NIPBL: variants seen among roughly 807,000 people sequenced by gnomAD.
NIPBL encodes the protein NIPBL cohesin loading factor.
Under a neutral mutation model 321.8 loss-of-function variants are expected in NIPBL, and 19 were observed. The observed-to-expected ratio is 0.06, with a 90% CI of 0.04 to 0.09. The LOEUF (loss-of-function observed/expected upper bound fraction) is 0.09. Among genes scored for constraint, NIPBL ranks in the 10% least tolerant of loss-of-function variants. NIPBL has a pLI of 1.00. For synonymous variants in NIPBL, 1,106 were observed against 1,114.1 expected, an observed-to-expected ratio of 0.99 and a Z score of 0.14; for missense variants, 2,210 against 3,327.0, an observed-to-expected ratio of 0.66 and a Z score of 8.26.
intron 21 of NIPBL, 78 bp from the exon 22 acceptor site, chr5:37,014,605 C>G (rs1748710586): frequency 5.9e-6 from 5 of 845,188 alleles, no homozygotes; most frequent in Non-Finnish European, 2.0e-6. Flanking sequence ...TACCCCTCTT[C>G]AGTAATAACA....
At chr5:37,056,489 AAAT>A (rs1408047068) in intron 42 of NIPBL, among the ~76,000 whole-genome samples, 1 of 152,210 alleles carries the variant, frequency 6.6e-6, no homozygotes, top group Non-Finnish European at 1.5e-5. Flanking sequence ...GCAAGCAACT[AAAT>A]AATCATAATT....
chr5:36,963,013 G>A (rs945638368), intron 6 of NIPBL, among the ~76,000 whole-genome samples: 2 of 152,042 alleles, frequency 1.3e-5, no homozygotes, highest in African/African-American at 4.8e-5. Context: ...AAAATTTACT[G>A]TAGTACAGTA....
At chr5:36,949,102 A>T (rs1186714965) in intron 1 of NIPBL, among the ~76,000 whole-genome samples, 1 of 151,858 alleles carries the variant, frequency 6.6e-6, no homozygotes, top group African/African-American at 2.4e-5. Context: ...CTTTACACAT[A>T]TTATTTCATC....
chr5:36,987,081 T>C (rs1744903367), intron 10 of NIPBL, among the ~76,000 whole-genome samples: 1 of 152,188 alleles, frequency 6.6e-6, no homozygotes, highest in Non-Finnish European at 1.5e-5. Flanking sequence ...GGTCTTGCTT[T>C]GTTGACCAGG....
At chr5:36,880,420 A>G (rs1341038630) in intron 1 of NIPBL, among the ~76,000 whole-genome samples, 1 of 152,072 alleles carries the variant, frequency 6.6e-6, no homozygotes, top group African/African-American at 2.4e-5. Context: ...TTATTAGGAA[A>G]AGCATAATTT....
chr5:36,882,733 G>A (rs1462033401), intron 1 of NIPBL, among the ~76,000 whole-genome samples: 3 of 151,790 alleles, frequency 2.0e-5, no homozygotes, highest in Non-Finnish European at 1.5e-5. Flanking sequence ...TACCACCCTG[G>A]CTCTTCAAAA....
At chr5:37,053,682 C>G (rs966416210) in intron 42 of NIPBL, among the ~76,000 whole-genome samples, 3 of 152,230 alleles carry the variant, frequency 2.0e-5, no homozygotes, top group Non-Finnish European at 2.9e-5. Context: ...TTTGACACTT[C>G]TGGCTGTTGC....
intron 3 of NIPBL, among the ~76,000 whole-genome samples, chr5:36,957,261 T>A (rs1439961173): frequency 1.3e-5 from 2 of 152,330 alleles, no homozygotes; most frequent in East Asian, 3.9e-4. Context: ...ATTTGCTGTT[T>A]GGTTTCCGCT....
chr5:37,060,082 C>G (rs138461180), intron 44 of NIPBL, among the ~76,000 whole-genome samples: 247 of 152,086 alleles, frequency 1.6e-3, no homozygotes, highest in Non-Finnish European at 2.4e-3. Context: ...GGACCTGTCT[C>G]AAGTTTCCAT....
At chr5:37,009,169 C>A (rs888539576) in intron 20 of NIPBL, among the ~76,000 whole-genome samples, 3 of 151,876 alleles carry the variant, frequency 2.0e-5, no homozygotes, top group African/African-American at 7.3e-5. Context: ...CTTGTTCATC[C>A]TGTTGGAAAT....
At chr5:37,042,210 G>A (rs1752466917) in intron 34 of NIPBL, among the ~76,000 whole-genome samples, 1 of 151,946 alleles carries the variant, frequency 6.6e-6, no homozygotes, top group Non-Finnish European at 1.5e-5. Context: ...GCCGAGGCAG[G>A]CGGATCACGA....
intron 7 of NIPBL, chr5:36,971,620 A>G (rs1349054012): frequency 6.5e-6 from 1 of 153,806 alleles, no homozygotes; most frequent in Non-Finnish European, 1.4e-5. Flanking sequence ...GATAACACAG[A>G]TGACAATAAA....
Position 36,918,805 on chromosome 5 carries a change from C to A in NIPBL, c.-79-34813C>A, listed in dbSNP as rs567608116. 8.9e-4 allele frequency among the ~76,000 whole-genome samples: 136 copies of A among 152,128 alleles called. 1 individual carries two copies. The highest frequency in any genetic ancestry group is 3.1e-3 in the African/African-American group (130 of 41,482). On this transcript the variant is annotated intron_variant, in intron 1 of 46. Coordinates refer to ENST00000282516, the MANE Select transcript of NIPBL (RefSeq NM_133433.4). ...AATCATGTGGTTTTTGTCTTTGGTTCTGTTTATATGATGGATTACGTTTAT... is the reference window on the plus strand; with the variant it reads ...AATCATGTGGTTTTTGTCTTTGGTTATGTTTATATGATGGATTACGTTTAT...
intron 6 of NIPBL, among the ~76,000 whole-genome samples, chr5:36,968,755 A>G (rs974052874): frequency 1.3e-5 from 2 of 152,164 alleles, no homozygotes; most frequent in African/African-American, 4.8e-5. Flanking sequence ...AAAATTAGAA[A>G]CATTTTGTTT....
intron 1 of NIPBL, among the ~76,000 whole-genome samples, chr5:36,923,042 A>G (rs879759544): frequency 2.6e-5 from 4 of 152,168 alleles, no homozygotes; most frequent in Non-Finnish European, 4.4e-5. Context: ...TAATCCCAGA[A>G]CTTTGGGAGG....
chr5:36,994,737 C>G (rs546010569), intron 10 of NIPBL, among the ~76,000 whole-genome samples: 37 of 152,168 alleles, frequency 2.4e-4, no homozygotes, highest in African/African-American at 8.7e-4. Flanking sequence ...TTTGCTACTT[C>G]TACTTTATTT....
intron 1 of NIPBL, among the ~76,000 whole-genome samples, chr5:36,918,382 G>T (rs1748645666): frequency 1.3e-5 from 2 of 152,142 alleles, no homozygotes; most frequent in African/African-American, 4.8e-5. Flanking sequence ...TTTGTATCCT[G>T]AGACTTTGCT....
At position 36,949,716 on chromosome 5, in the gene NIPBL, C is replaced by G. The variant is rs138050086; in HGVS notation, c.-79-3902C>G. 9.3e-3 allele frequency among the ~76,000 whole-genome samples: 1,413 copies of G among 151,664 alleles called. 73 individuals carry two copies. Among genetic ancestry groups the G allele is most frequent in the Admixed American group, 0.084 (1,282 of 15,210 alleles). On this transcript the variant is annotated intron_variant, in intron 1 of 46. Transcript: ENST00000282516. Reference sequence around the variant, plus strand: ...CTTTGGTTATAGGGTGCAAAGTGGCCCGCCAGAAAGTTTATCTACCATCAG... The same window carrying G: ...CTTTGGTTATAGGGTGCAAAGTGGCGCGCCAGAAAGTTTATCTACCATCAG...
intron 34 of NIPBL, among the ~76,000 whole-genome samples, chr5:37,039,436 C>G (rs932757034): frequency 6.6e-6 from 1 of 151,756 alleles, no homozygotes; most frequent in Non-Finnish European, 1.5e-5. Flanking sequence ...TAAGACATTG[C>G]TTAAGTAAAA....
Sources: gnomAD v4.1 joint callset for allele counts (sites outside exome capture counted in the v4.1 genomes callset) on GRCh38, gnomAD v4.1.1 for gene constraint, MANE v1.5 for transcripts, NCBI Gene and HGNC (gene_info 2026-07-23, HGNC 2026-07-21) for gene names.